The following DHX32 variants were observed in gnomAD, a reference collection of about 807,000 sequenced individuals.
DHX32 encodes putative pre-mRNA-splicing factor ATP-dependent RNA helicase DHX32.
In DHX32, 51 loss-of-function variants were observed where a neutral mutation model predicts 70.0. The observed-to-expected ratio is 0.73, with a 90% CI of 0.58 to 0.92. The LOEUF is 0.92. Ranked by LOEUF, DHX32 falls within the 40% of genes least tolerant of loss-of-function variation. The pLI is 0.00. For missense variants in DHX32, 762 were observed against 891.8 expected (o/e 0.85, Z 1.85); for synonymous variants, 310 against 315.3 (o/e 0.98, Z 0.18).
intron 6 of DHX32, among the ~76,000 whole-genome samples, chr10:125,847,792 A>G (rs1343049078): frequency 6.6e-6 from 1 of 152,170 alleles, no homozygotes; most frequent in African/African-American, 2.4e-5. Flanking sequence ...GTGACAGATC[A>G]TCAGGCATTA....
intron 1 of DHX32, among the ~76,000 whole-genome samples, chr10:125,879,276 A>C (rs745916624): frequency 6.3e-4 from 95 of 151,904 alleles, no homozygotes; most frequent in Admixed American, 1.5e-3. Flanking sequence ...CTCCTGCCTC[A>C]GCCTCCCAAA....
At chr10:125,850,185 C>G (rs2134040946) in intron 6 of DHX32, among the ~76,000 whole-genome samples, 2 of 151,106 alleles carry the variant, frequency 1.3e-5, no homozygotes, top group South Asian at 4.2e-4. Context: ...TTATATTGCC[C>G]AGGCTGGTCT....
intron 1 of DHX32, among the ~76,000 whole-genome samples, chr10:125,879,348 A>T (rs1282561797): frequency 6.6e-6 from 1 of 152,034 alleles, no homozygotes; most frequent in African/African-American, 2.4e-5. Context: ...ACAAACAAAC[A>T]AACTTTAATT....
intron 1 of DHX32, among the ~76,000 whole-genome samples, chr10:125,877,276 A>C (rs553264829): frequency 6.6e-6 from 1 of 152,230 alleles, no homozygotes; most frequent in African/African-American, 2.4e-5. Context: ...ATCGTTTGTT[A>C]TAACAATAAC....
At chr10:125,894,552 C>T (rs1349388376) in intron 1 of DHX32, among the ~76,000 whole-genome samples, 1 of 152,286 alleles carries the variant, frequency 6.6e-6, no homozygotes, top group Admixed American at 6.5e-5. Flanking sequence ...AACTTAACAG[C>T]TGCTGATAAA....
chr10:125,867,349 T>C (rs750537246), intron 1 of DHX32, among the ~76,000 whole-genome samples, 166 bp from the exon 2 acceptor site: 1 of 152,190 alleles, frequency 6.6e-6, no homozygotes, highest in Non-Finnish European at 1.5e-5. Flanking sequence ...ATATGGATTA[T>C]GCACAGAGTT....
chr10:125,842,437 T>C (rs1164117265), intron 6 of DHX32: 1 of 152,800 alleles, frequency 6.5e-6, no homozygotes, highest in Non-Finnish European at 1.5e-5. Flanking sequence ...ACACAGGACC[T>C]AGGGTAGGGC....
chr10:125,861,269 A>C (rs1408806735), intron 2 of DHX32, among the ~76,000 whole-genome samples: 2 of 151,512 alleles, frequency 1.3e-5, no homozygotes, highest in African/African-American at 4.8e-5. Flanking sequence ...AGGCCGAGGC[A>C]GGCGGATCAC....
At chr10:125,854,579 TTTGTAGGAAGACAGATCC>T (rs1307508625) in intron 3 of DHX32, 2 of 162,022 alleles carry the variant, frequency 1.2e-5, no homozygotes, top group Non-Finnish European at 2.7e-5. Flanking sequence ...ACTCAAGGGT[TTTGTAGGAAGACAGATCC>T]ATCTAGAAAA....
intron 9 of DHX32, 58 bp from the exon 10 acceptor site, chr10:125,838,445 A>G: frequency 7.0e-7 from 1 of 1,430,724 alleles, no homozygotes; most frequent in Non-Finnish European, 9.3e-7. Context: ...ATCATTATAC[A>G]AAGATGTTTG....
rs61757588 is a variant in DHX32, at chr10:125,880,659, G to A, written c.166C>T (p.Leu56=). 1 of 1,614,166 alleles carries A rather than the reference G, an allele frequency of 6.2e-7. No individual in the cohort carries two copies. The highest frequency in any genetic ancestry group is 8.5e-7 in the Non-Finnish European group (1 of 1,180,034). ...ATAGGAAGATCTTCTCTTTCTTTCA[G>A]AAGTTTATAATAACGTGATGAATAT... ...LPYSSRYYKL[L]KEREDLPIWK... is the part of the protein sequence containing the mutation. Residue 56 remains leucine, a synonymous_variant, in exon 1 of 11, where the codon CTG becomes TTG. Transcript: ENST00000284690.
chr10:125,861,657 C>T (rs1031492640), intron 2 of DHX32, among the ~76,000 whole-genome samples: 2 of 152,182 alleles, frequency 1.3e-5, no homozygotes, highest in Non-Finnish European at 2.9e-5. Flanking sequence ...GCCTGAGTTT[C>T]CCTGGTAGGG....
intron 3 of DHX32, among the ~76,000 whole-genome samples, chr10:125,856,111 G>C (rs1440270446): frequency 1.3e-5 from 2 of 152,184 alleles, no homozygotes; most frequent in Non-Finnish European, 2.9e-5. Context: ...ATGTGCATCT[G>C]GTACTTCAGA....
chr10:125,871,262 TCTACA>T (rs2134065335), intron 1 of DHX32, among the ~76,000 whole-genome samples: 1 of 152,344 alleles, frequency 6.6e-6, no homozygotes, highest in South Asian at 2.1e-4. Context: ...TCTGCCTTCC[TCTACA>T]TTAGAGCAAA....
chr10:125,884,901 C>T (rs1397808803), upstream of DHX32, among the ~76,000 whole-genome samples: 1 of 152,014 alleles, frequency 6.6e-6, no homozygotes, highest in Non-Finnish European at 1.5e-5. Flanking sequence ...ATGCTTAGTT[C>T]CTGGACCTCT....
At chr10:125,876,392 G>A (rs1350704951) in intron 1 of DHX32, among the ~76,000 whole-genome samples, 1 of 152,142 alleles carries the variant, frequency 6.6e-6, no homozygotes, top group Non-Finnish European at 1.5e-5. Context: ...GAACCCATTG[G>A]GTGGTTACAA....
intron 1 of DHX32, among the ~76,000 whole-genome samples, chr10:125,879,120 C>T (rs1944302875): frequency 7.3e-6 from 1 of 136,674 alleles, no homozygotes; most frequent in African/African-American, 2.8e-5. Context: ...ACCTCATGGG[C>T]TCAAGTGATC....
At chr10:125,887,720 T>C (rs1430717689) in intron 1 of DHX32, among the ~76,000 whole-genome samples, 1 of 152,154 alleles carries the variant, frequency 6.6e-6, no homozygotes, top group Non-Finnish European at 1.5e-5. Flanking sequence ...GTGATCCTCC[T>C]GCCTTAGCTT....
At chr10:125,860,881 T>C (rs191010936) in intron 2 of DHX32, among the ~76,000 whole-genome samples, 13,138 of 148,980 alleles carry the variant, frequency 0.088, 725 homozygotes, top group South Asian at 0.23. Flanking sequence ...GCCTCCAGAG[T>C]AGCTGGGACT....
Sources: allele counts gnomAD v4.1 joint callset (sites outside exome capture counted in the v4.1 genomes callset), GRCh38; gene constraint gnomAD v4.1.1; transcripts MANE v1.5; gene names NCBI Gene and HGNC (gene_info 2026-07-23, HGNC 2026-07-21).